Variants in PTPRG observed in about 807,000 individuals in gnomAD.
PTPRG encodes the protein protein tyrosine phosphatase receptor type G, also known as receptor-type tyrosine-protein phosphatase gamma.
In PTPRG, 102 loss-of-function variants were observed where a neutral mutation model predicts 165.3. The observed-to-expected ratio is 0.62, with a 90% confidence interval of 0.53 to 0.73. The LOEUF is 0.73. Among genes scored for constraint, PTPRG ranks in the 30% least tolerant of loss-of-function variants. The probability of loss-of-function intolerance (pLI) is 0.00; values close to 1 mark genes in which losing one functional copy is unlikely to be tolerated. For synonymous variants in PTPRG, 675 were observed against 669.5 expected, an observed-to-expected ratio of 1.01 and a Z score of -0.13; for missense variants, 1,866 against 1,861.4, an observed-to-expected ratio of 1.00 and a Z score of -0.05.
intron 4 of PTPRG, among the ~76,000 whole-genome samples, chr3:62,034,545 A>G (rs1699881523): frequency 6.6e-6 from 1 of 152,218 alleles, no homozygotes; most frequent in African/African-American, 2.4e-5. Context: ...AATGTCTTTC[A>G]AACTCTTCTC....
intron 2 of PTPRG, among the ~76,000 whole-genome samples, chr3:61,985,548 T>C (rs766291621): frequency 3.9e-4 from 59 of 152,216 alleles, no homozygotes; most frequent in Non-Finnish European, 7.8e-4. Flanking sequence ...GGGTACCTCA[T>C]TGTACAGAGG....
At chr3:62,194,658 C>G (rs1378949282) in intron 9 of PTPRG, among the ~76,000 whole-genome samples, 2 of 152,096 alleles carry the variant, frequency 1.3e-5, no homozygotes, top group Non-Finnish European at 2.9e-5. Flanking sequence ...CAAAAATTAG[C>G]TGGGCTTGGT....
chr3:62,176,997 C>T (rs1705450942), intron 8 of PTPRG, among the ~76,000 whole-genome samples: 2 of 152,138 alleles, frequency 1.3e-5, no homozygotes, highest in South Asian at 4.2e-4. Context: ...AGCCCAGTGG[C>T]TCACGCTTGT....
At chr3:61,651,843 C>G (rs1249242811) in intron 1 of PTPRG, among the ~76,000 whole-genome samples, 1 of 152,038 alleles carries the variant, frequency 6.6e-6, no homozygotes, top group East Asian at 1.9e-4. Context: ...AACCCCGTCT[C>G]TACTAAAAAT....
chr3:62,240,179 G>GT lies in PTPRG; in HGVS notation c.2376-3622dup, dbSNP rs2106943757. ...GATGCATATAGAATGATCTCATTTC[G>GT]TTTTTTAAAAATAAAACCCCCATGT... On this transcript the variant is annotated intron_variant, in intron 14 of 29. Coordinates refer to ENST00000474889, the MANE Select transcript of PTPRG (RefSeq NM_002841.4). The surrounding 1 kb of genome is among the most constrained non-coding windows in gnomAD (Gnocchi z 5.1). Among the ~76,000 whole-genome samples the GT allele has an allele frequency of 6.6e-6, 1 of 152,178 alleles. No individual in the cohort carries two copies. Among genetic ancestry groups the GT allele is most frequent in the East Asian group, 1.9e-4 (1 of 5,172 alleles).
At chr3:62,018,390 C>A (rs1337725139) in intron 4 of PTPRG, among the ~76,000 whole-genome samples, 1 of 152,220 alleles carries the variant, frequency 6.6e-6, no homozygotes, top group East Asian at 1.9e-4. Context: ...CCATTGTGCT[C>A]AATCTCACCG....
chr3:62,275,993 G>A (rs1702220531), intron 24 of PTPRG, 27 bp downstream of exon 24: 1 of 1,516,332 alleles, frequency 6.6e-7, no homozygotes, highest in Non-Finnish European at 9.1e-7. Flanking sequence ...GTTTGTTAGT[G>A]ATCTTTTATA....
At chr3:62,269,773 C>A (rs527780166) in intron 20 of PTPRG, among the ~76,000 whole-genome samples, 11 of 152,158 alleles carry the variant, frequency 7.2e-5, no homozygotes, top group African/African-American at 2.6e-4. Flanking sequence ...AATCCACTGT[C>A]ACAACAAATA....
chr3:62,205,942 G>C (rs986724764), intron 12 of PTPRG, among the ~76,000 whole-genome samples: 1 of 152,220 alleles, frequency 6.6e-6, no homozygotes, highest in African/African-American at 2.4e-5. Context: ...TTAGGAGGCA[G>C]TGGTAATGGT....
chr3:62,169,523 T>C (rs1254015320), intron 8 of PTPRG, among the ~76,000 whole-genome samples: 1 of 152,138 alleles, frequency 6.6e-6, no homozygotes, highest in African/African-American at 2.4e-5. Context: ...CCCAGGAAAC[T>C]AGAACTTCTG....
At chr3:62,023,871 T>A (rs1384524432) in intron 4 of PTPRG, among the ~76,000 whole-genome samples, 1 of 152,114 alleles carries the variant, frequency 6.6e-6, no homozygotes, top group Admixed American at 6.5e-5. Context: ...GAACATGAGA[T>A]GTTGTGCAGT....
At chr3:62,001,438 C>T (rs920908415) in intron 3 of PTPRG, among the ~76,000 whole-genome samples, 2 of 152,088 alleles carry the variant, frequency 1.3e-5, no homozygotes, top group South Asian at 2.1e-4. Flanking sequence ...GTTTTGCCTT[C>T]GTCCTGTGGA....
chr3:61,980,650 A>G (rs1008966722), intron 2 of PTPRG, among the ~76,000 whole-genome samples: 2 of 152,222 alleles, frequency 1.3e-5, no homozygotes, highest in Admixed American at 6.5e-5. Flanking sequence ...ATTATATCCT[A>G]TATTTATTAG....
intron 5 of PTPRG, among the ~76,000 whole-genome samples, chr3:62,112,633 G>A (rs1372034772): frequency 1.3e-5 from 2 of 152,196 alleles, no homozygotes; most frequent in Non-Finnish European, 2.9e-5. Context: ...TAGCATTTGA[G>A]GTAGACCTTT....
intron 6 of PTPRG, among the ~76,000 whole-genome samples, chr3:62,152,992 A>G (rs1441720909): frequency 6.6e-6 from 1 of 152,260 alleles, no homozygotes; most frequent in East Asian, 1.9e-4. Context: ...CCCCCAAAAA[A>G]GAATCATATT....
Position 62,043,439 on chromosome 3 carries a change from C to T in PTPRG, c.520-34724C>T, listed in dbSNP as rs114591363. Among the ~76,000 whole-genome samples the T allele has an allele frequency of 6.5e-3, 996 of 152,086 alleles. 15 individuals carry two copies. The highest frequency in any genetic ancestry group is 0.022 in the African/African-American group (918 of 41,478). ...TTTATTAAAGAATTTTTATATCTGCCTTGGGATAATGCAATTAGAATTCTT... is the reference window on the plus strand; with the variant it reads ...TTTATTAAAGAATTTTTATATCTGCTTTGGGATAATGCAATTAGAATTCTT... On this transcript the variant is annotated intron_variant, in intron 4 of 29. Coordinates refer to ENST00000474889, the MANE Select transcript of PTPRG (RefSeq NM_002841.4).
intron 4 of PTPRG, among the ~76,000 whole-genome samples, chr3:62,033,554 A>G (rs538398359): frequency 8.3e-6 from 1 of 119,936 alleles, no homozygotes; most frequent in South Asian, 3.0e-4. Context: ...CCCACCAGAG[A>G]TAGGGCCTCC....
chr3:61,583,517 A>G (rs1269313605), intron 1 of PTPRG, among the ~76,000 whole-genome samples: 1 of 152,048 alleles, frequency 6.6e-6, no homozygotes, highest in Non-Finnish European at 1.5e-5. Context: ...TTTTTATTGT[A>G]CTGCTATTAT....
Position 62,255,189 on chromosome 3 carries a change from C to G in PTPRG, c.2533C>G (p.Gln845Glu), listed in dbSNP as rs1701509952. ...KHIGELYSNN[Q>E]HGFSEDFEEV... Reference sequence around the variant, plus strand: ...CATCGGTGAGCTCTATTCTAATAACCAGCATGGGTTCTCTGAGGATTTTGA... The same window carrying G: ...CATCGGTGAGCTCTATTCTAATAACGAGCATGGGTTCTCTGAGGATTTTGA... The change falls in exon 16 of 30, where the codon CAG becomes GAG. Residue 845 changes from glutamine (Q) to glutamate (E), a missense_variant. Gln to Glu is a conservative substitution (Grantham distance 29). This residue lies in a region of PTPRG where 1,452 missense variants were observed against 1,463.0 expected (regional missense o/e 0.99). Coordinates refer to ENST00000474889, the MANE Select transcript of PTPRG (RefSeq NM_002841.4). The surrounding 1 kb of genome is among the most constrained non-coding windows in gnomAD (Gnocchi z 4.0). The G allele has an allele frequency of 1.9e-6, 3 of 1,612,666 alleles. No individual in the cohort carries two copies. Among genetic ancestry groups the G allele is most frequent in the Non-Finnish European group, 1.7e-6 (2 of 1,179,260 alleles).
Sources: gnomAD v4.1 joint callset for allele counts (sites outside exome capture counted in the v4.1 genomes callset) on GRCh38, gnomAD v4.1.1 for gene constraint, gnomAD v4.1.1 regional missense constraint, Gnocchi (gnomAD v3.1) non-coding constraint, MANE v1.5 for transcripts, NCBI Gene and HGNC (gene_info 2026-07-23, HGNC 2026-07-21) for gene names.